The following ERBB4 variants were observed in gnomAD, a reference collection of about 807,000 sequenced individuals.
ERBB4 encodes receptor tyrosine-protein kinase erbB-4.
A neutral mutation model predicts 158.0 loss-of-function variants in ERBB4; 42 were observed. The observed-to-expected ratio is 0.27, with a 90% confidence interval of 0.21 to 0.34. The LOEUF is 0.34. Ranked by LOEUF, ERBB4 falls within the 10% of genes least tolerant of loss-of-function variation. The pLI, the probability that ERBB4 is intolerant of heterozygous loss-of-function variation, is 1.00. For missense variants in ERBB4, 1,333 were observed against 1,624.1 expected, an observed-to-expected ratio of 0.82 and a Z score of 3.08; for synonymous variants, 583 against 558.7, an observed-to-expected ratio of 1.04 and a Z score of -0.61.
At chr2:211,906,497 T>A (rs2079396419) in intron 3 of ERBB4, among the ~76,000 whole-genome samples, 1 of 151,950 alleles carries the variant, frequency 6.6e-6, no homozygotes, top group Admixed American at 6.6e-5. Flanking sequence ...CAGAGTACGA[T>A]CTAAGTTTAA....
At chr2:212,369,520 T>A (rs992548924) in intron 1 of ERBB4, among the ~76,000 whole-genome samples, 1 of 152,206 alleles carries the variant, frequency 6.6e-6, no homozygotes, top group African/African-American at 2.4e-5. Flanking sequence ...TCTTCACTCA[T>A]CTCTACTTAT....
At chr2:212,306,238 A>G (rs1031954662) in intron 1 of ERBB4, among the ~76,000 whole-genome samples, 4 of 151,488 alleles carry the variant, frequency 2.6e-5, no homozygotes, top group African/African-American at 9.7e-5. Context: ...ACAATATTTA[A>G]TTGCACTTGA....
intron 12 of ERBB4, among the ~76,000 whole-genome samples, chr2:211,695,691 CT>C (rs1266331546): frequency 8.6e-5 from 13 of 152,026 alleles, no homozygotes; most frequent in Admixed American, 2.0e-4. Flanking sequence ...TGATGTTTTT[CT>C]CACAAATTTT....
intron 2 of ERBB4, among the ~76,000 whole-genome samples, chr2:212,047,988 A>G (rs1034211010): frequency 1.3e-5 from 2 of 152,192 alleles, no homozygotes; most frequent in Non-Finnish European, 2.9e-5. Flanking sequence ...GGAGAGGGTT[A>G]CATTTTATTG....
intron 20 of ERBB4, among the ~76,000 whole-genome samples, chr2:211,444,653 A>G (rs1377419868): frequency 2.0e-5 from 3 of 152,132 alleles, no homozygotes; most frequent in Non-Finnish European, 2.9e-5. Context: ...TACATAATAT[A>G]CACTGTGTAT....
chr2:211,678,314 CAAACAAA>C (rs1367642342), intron 13 of ERBB4, among the ~76,000 whole-genome samples: 1 of 17,232 alleles, frequency 5.8e-5, no homozygotes, highest in African/African-American at 1.7e-4. Flanking sequence ...AAAAAACAAA[CAAACAAA>C]AAAAAAAAAA....
intron 19 of ERBB4, among the ~76,000 whole-genome samples, chr2:211,582,054 A>T (rs1347604857): frequency 6.6e-6 from 1 of 152,122 alleles, no homozygotes; most frequent in East Asian, 1.9e-4. Context: ...AATCTTGCCC[A>T]TTGCTGTGTT....
intron 1 of ERBB4, among the ~76,000 whole-genome samples, chr2:212,374,045 CATATATATATATCCATATATATCCAT>C (rs1560148053): frequency 2.8e-5 from 3 of 106,840 alleles, no homozygotes; most frequent in Admixed American, 1.0e-4. Context: ...CATATATATC[CATATATATATATCCATATATATCCAT>C]ATATATATCC....
chr2:212,170,889 A>G (rs964754505), intron 1 of ERBB4, among the ~76,000 whole-genome samples: 10 of 152,094 alleles, frequency 6.6e-5, no homozygotes, highest in African/African-American at 2.2e-4. Context: ...GGCAGTGTGA[A>G]AGGGAAATGT....
intron 1 of ERBB4, among the ~76,000 whole-genome samples, chr2:212,267,409 G>T (rs1371390090): frequency 1.3e-5 from 2 of 151,474 alleles, no homozygotes; most frequent in Non-Finnish European, 2.9e-5. Flanking sequence ...TTAAAAACAA[G>T]AACAAAAAAC....
At chr2:212,324,483 T>G (rs1162891992) in intron 1 of ERBB4, among the ~76,000 whole-genome samples, 1 of 91,108 alleles carries the variant, frequency 1.1e-5, no homozygotes. Context: ...TTTTTTGTTT[T>G]TGTTTTTTTT....
intron 12 of ERBB4, among the ~76,000 whole-genome samples, chr2:211,687,410 C>T (rs1429699509): frequency 2.0e-5 from 3 of 152,094 alleles, no homozygotes; most frequent in African/African-American, 7.2e-5. Flanking sequence ...CCATACCCTG[C>T]CTTCTCTGAC....
At chr2:211,480,721 A>C (rs1408395773) in intron 20 of ERBB4, among the ~76,000 whole-genome samples, 2 of 152,142 alleles carry the variant, frequency 1.3e-5, no homozygotes, top group Non-Finnish European at 2.9e-5. Context: ...GAAATACTTT[A>C]TCTCATTAGG....
intron 19 of ERBB4, among the ~76,000 whole-genome samples, chr2:211,575,344 A>C (rs1242660195): frequency 6.6e-6 from 1 of 152,182 alleles, no homozygotes; most frequent in African/African-American, 2.4e-5. Context: ...TCAACCACTT[A>C]ATCTTCCAAT....
At chr2:211,815,277 A>G (rs141312410) in intron 3 of ERBB4, among the ~76,000 whole-genome samples, 1 of 152,220 alleles carries the variant, frequency 6.6e-6, no homozygotes, top group Non-Finnish European at 1.5e-5. Flanking sequence ...TTATAAAAAC[A>G]TAAAGTGTTA....
Position 211,721,443 on chromosome 2 carries a change from CAAAAAAAA to C in ERBB4, c.883+942_883+949del, listed in dbSNP as rs71054136. ...GAAATGTCCCATTGGTTACTCAAAG[CAAAAAAAA>C]AAAAAAAAAAAAAATAGAGTCAAGT... On this transcript the variant is annotated intron_variant, in intron 7 of 27. Coordinates refer to ENST00000342788, the MANE Select transcript of ERBB4 (RefSeq NM_005235.3). 9.2e-5 allele frequency among the ~76,000 whole-genome samples: 5 copies of C among 54,500 alleles called. No homozygotes were observed. In the East Asian group the frequency reaches 1.4e-3, roughly 15 times the overall value. 35.8% of individuals were successfully genotyped at this position (54,500 alleles called of 152,430 possible).
intron 19 of ERBB4, among the ~76,000 whole-genome samples, chr2:211,582,203 T>C (rs2125773851): frequency 6.6e-6 from 1 of 152,330 alleles, no homozygotes; most frequent in South Asian, 2.1e-4. Flanking sequence ...TTTATAGACA[T>C]GTAAAAAGAC....
intron 16 of ERBB4, among the ~76,000 whole-genome samples, chr2:211,643,418 C>A (rs915344963): frequency 8.5e-5 from 13 of 152,066 alleles, no homozygotes; most frequent in Admixed American, 3.3e-4. Context: ...CATTTCTAGA[C>A]TACTGTTATG....
chr2:212,299,727 G>A (rs1318135030), intron 1 of ERBB4, among the ~76,000 whole-genome samples: 1 of 151,602 alleles, frequency 6.6e-6, no homozygotes, highest in East Asian at 1.9e-4. Flanking sequence ...CAGATTTCAA[G>A]CACTAATGAG....
Sources: gnomAD v4.1 joint callset for allele counts (sites outside exome capture counted in the v4.1 genomes callset) on GRCh38, gnomAD v4.1.1 for gene constraint, MANE v1.5 for transcripts, NCBI Gene and HGNC (gene_info 2026-07-23, HGNC 2026-07-21) for gene names.